Variants in C11orf65 observed in about 807,000 individuals in gnomAD.
C11orf65 encodes protein MFI.
C11orf65 carries 38 observed loss-of-function variants against 35.3 expected under a neutral mutation model. The ratio of observed to expected loss-of-function variants is 1.08; its 90% CI spans 0.83 to 1.41. The LOEUF is 1.41. Among genes scored for constraint, C11orf65 ranks in the 40% most tolerant of loss-of-function variants. C11orf65 has a pLI of 0.00. For missense variants in C11orf65, 370 were observed against 367.1 expected (o/e 1.01, Z -0.06); for synonymous variants, 105 against 114.4 (o/e 0.92, Z 0.53).
chr11:108,370,824 T>A (rs918933644), intron 2 of C11orf65, among the ~76,000 whole-genome samples: 2 of 152,208 alleles, frequency 1.3e-5, no homozygotes, highest in African/African-American at 4.8e-5. Context: ...ACTCCTAGTA[T>A]AACCTCAACT....
chr11:108,427,459 C>A (rs1466527716), intron 3 of C11orf65, among the ~76,000 whole-genome samples: 2 of 151,378 alleles, frequency 1.3e-5, no homozygotes, highest in Non-Finnish European at 3.0e-5. Flanking sequence ...CGGGCTGACG[C>A]CTGTAATCCC....
intron 2 of C11orf65, among the ~76,000 whole-genome samples, chr11:108,371,139 G>C (rs909435993): frequency 1.3e-5 from 2 of 152,122 alleles, no homozygotes; most frequent in Non-Finnish European, 2.9e-5. Context: ...CAGAAACATA[G>C]GAGAGAAGTG....
intron 2 of C11orf65, chr11:108,356,213 A>G (rs2089901731): frequency 6.6e-6 from 1 of 152,094 alleles, no homozygotes; most frequent in African/African-American, 2.4e-5. Context: ...ATTAAACTCT[A>G]AAGTTATATT....
chr11:108,335,526 C>T (rs866903935), intron 2 of C11orf65, among the ~76,000 whole-genome samples: 16 of 152,158 alleles, frequency 1.1e-4, no homozygotes, highest in Non-Finnish European at 1.3e-4. Flanking sequence ...CATTTGCTGA[C>T]GAGCTCTTTG....
At chr11:108,442,289 A>C (rs2093167195) in intron 2 of C11orf65, among the ~76,000 whole-genome samples, 2 of 152,176 alleles carry the variant, frequency 1.3e-5, no homozygotes. Flanking sequence ...AAGAGGAAAA[A>C]GAACGAACAA....
downstream of C11orf65, chr11:108,330,471 C>G (rs1591162345): frequency 6.4e-7 from 1 of 1,574,458 alleles, no homozygotes; most frequent in Non-Finnish European, 8.7e-7. Flanking sequence ...AAAACTTAGA[C>G]ATAAGCCCCT....
Position 108,317,102 on chromosome 11 carries a change from T to TAA in C11orf65, c.641-8032_641-8031insTT, listed in dbSNP as rs113573757. Among the ~76,000 whole-genome samples, 269 of 144,548 alleles carry TAA rather than the reference T, an allele frequency of 1.9e-3. 1 individual carries two copies. Among genetic ancestry groups the TAA allele is most frequent in the Middle Eastern group, 3.6e-3 (1 of 278 alleles). 94.8% of individuals were successfully genotyped at this position (144,548 alleles called of 152,430 possible). On this transcript the variant is annotated intron_variant, in intron 6 of 6. Coordinates refer to the C11orf65 transcript ENST00000525729. ...GTACACACTACCATACCCAGCTATT[T>TAA]TAAAAAAAAAAAAAAATTGTAGAGA...
chr11:108,361,685 C>T (rs2090780226), intron 2 of C11orf65, among the ~76,000 whole-genome samples: 1 of 151,670 alleles, frequency 6.6e-6, no homozygotes, highest in South Asian at 2.1e-4. Flanking sequence ...CTGAGAAAAA[C>T]AAGCAATGGG....
At chr11:108,348,434 A>T (rs1279007833) in intron 2 of C11orf65, among the ~76,000 whole-genome samples, 1 of 151,120 alleles carries the variant, frequency 6.6e-6, no homozygotes, top group Non-Finnish European at 1.5e-5. Context: ...AATATATAAG[A>T]AAGAAAGAAT....
intron 6 of C11orf65, among the ~76,000 whole-genome samples, chr11:108,322,048 A>G (rs1205601351): frequency 6.6e-6 from 1 of 152,194 alleles, no homozygotes; most frequent in African/African-American, 2.4e-5. Context: ...ACATTGTATT[A>G]CTGTCATTTT....
chr11:108,443,227 A>T (rs552932698), intron 2 of C11orf65, among the ~76,000 whole-genome samples: 1 of 150,514 alleles, frequency 6.6e-6, no homozygotes, highest in Admixed American at 6.6e-5. Context: ...AGAGACAAAG[A>T]AGGCCATTAC....
At chr11:108,395,003 C>T (rs1444287608) in intron 6 of C11orf65, among the ~76,000 whole-genome samples, 10 of 152,188 alleles carry the variant, frequency 6.6e-5, no homozygotes, top group East Asian at 1.9e-4. Context: ...CAGTGGCACA[C>T]GCCTGTAGTC....
intron 3 of C11orf65, among the ~76,000 whole-genome samples, chr11:108,417,876 C>T (rs1329263968): frequency 7.9e-5 from 12 of 151,654 alleles, no homozygotes; most frequent in Admixed American, 7.9e-4. Flanking sequence ...TGTAACAAAC[C>T]TGCACATTCT....
intron 2 of C11orf65, among the ~76,000 whole-genome samples, chr11:108,442,374 G>C (rs1163481841): frequency 6.6e-6 from 1 of 152,216 alleles, no homozygotes. Context: ...GTGATGTGGA[G>C]AATGGAATCA....
At chr11:108,419,428 T>A (rs1222296536) in intron 3 of C11orf65, among the ~76,000 whole-genome samples, 2 of 152,210 alleles carry the variant, frequency 1.3e-5, no homozygotes, top group East Asian at 3.8e-4. Context: ...CTGGGCACAG[T>A]GGCTCATGTC....
intron 6 of C11orf65, among the ~76,000 whole-genome samples, chr11:108,395,608 C>A (rs376336246): frequency 1.3e-5 from 2 of 149,606 alleles, no homozygotes; most frequent in Non-Finnish European, 3.0e-5. Context: ...TGAGCCACTG[C>A]GCCCAGCCCA....
chr11:108,326,988 G>A (rs1203661402), downstream of C11orf65, among the ~76,000 whole-genome samples: 1 of 152,118 alleles, frequency 6.6e-6, no homozygotes, highest in Non-Finnish European at 1.5e-5. Context: ...ACCATGCCCA[G>A]CTAATTTTTT....
chr11:108,366,891 T>C (rs2091359920), intron 2 of C11orf65: 2 of 227,828 alleles, frequency 8.8e-6, no homozygotes, highest in East Asian at 1.3e-4. Context: ...GCTCCCCATA[T>C]AGATGTCTAA....
intron 2 of C11orf65, among the ~76,000 whole-genome samples, chr11:108,352,323 T>G (rs948858204): frequency 2.0e-5 from 3 of 152,184 alleles, no homozygotes; most frequent in African/African-American, 7.2e-5. Context: ...AGTCTCAGTA[T>G]AGAAGTAGAT....
Sources: allele counts gnomAD v4.1 joint callset (sites outside exome capture counted in the v4.1 genomes callset), GRCh38; gene constraint gnomAD v4.1.1; transcripts MANE v1.5; gene names NCBI Gene and HGNC (gene_info 2026-07-23, HGNC 2026-07-21).